FMN1: variants seen among roughly 807,000 people sequenced by gnomAD.
The protein encoded by FMN1 is formin-1.
In FMN1, 110 loss-of-function variants were observed where a neutral mutation model predicts 132.4. That is an observed-to-expected ratio of 0.83 (90% CI 0.71 to 0.97). The LOEUF is 0.97. Among genes scored for constraint, FMN1 ranks in the 50% least tolerant of loss-of-function variants. The pLI is 0.00. For missense variants in FMN1, 1,792 were observed against 1,705.3 expected, an observed-to-expected ratio of 1.05 and a Z score of -0.90; for synonymous variants, 722 against 651.7, an observed-to-expected ratio of 1.11 and a Z score of -1.64.
intron 12 of FMN1, among the ~76,000 whole-genome samples, chr15:32,907,226 A>C (rs1440263788): frequency 6.6e-6 from 1 of 152,128 alleles, no homozygotes; most frequent in Non-Finnish European, 1.5e-5. Flanking sequence ...ACAATGATAT[A>C]ATTATACAAC....
At chr15:32,998,069 T>TACAAGGACCATAAGATGACCACACA (rs2033882621) in intron 7 of FMN1, among the ~76,000 whole-genome samples, 1 of 152,036 alleles carries the variant, frequency 6.6e-6, no homozygotes, top group Non-Finnish European at 1.5e-5. Flanking sequence ...TATAAGATGA[T>TACAAGGACCATAAGATGACCACACA]AGTAAGTGTG....
intron 6 of FMN1, among the ~76,000 whole-genome samples, chr15:33,031,995 A>T (rs905139615): frequency 6.6e-6 from 1 of 152,230 alleles, no homozygotes; most frequent in Non-Finnish European, 1.5e-5. Flanking sequence ...TGTAATCATG[A>T]AGTGTTACAA....
At chr15:32,787,678 T>C (rs945284586) in intron 19 of FMN1, among the ~76,000 whole-genome samples, 1 of 152,052 alleles carries the variant, frequency 6.6e-6, no homozygotes, top group East Asian at 1.9e-4. Context: ...CAAGACCCTC[T>C]CAACTAAAAA....
In FMN1 at chr15:32,766,941, G is replaced by A. The variant is rs913135611; in HGVS notation, c.*7369C>T. 1.3e-5 allele frequency: 2 copies of A among 152,196 alleles called. No individual in the cohort carries two copies. Among genetic ancestry groups the A allele is most frequent in the Non-Finnish European group, 2.9e-5 (2 of 68,048 alleles). 9.4% of individuals were successfully genotyped at this position (152,196 alleles called of 1,614,324 possible). On this transcript the variant is annotated 3_prime_UTR_variant, in exon 21 of 21. Transcript: ENST00000616417. ...CTTTTGAACAGGCATGGAGTAAACA[G>A]GGTCTATGGTCAAGCAGCCCCATGG...
intron 20 of FMN1, among the ~76,000 whole-genome samples, chr15:32,775,401 T>G (rs559483643): frequency 3.3e-5 from 5 of 151,848 alleles, no homozygotes; most frequent in African/African-American, 1.2e-4. Context: ...GTAAACCCAC[T>G]GTTTCCCTTT....
At chr15:33,067,863 G>A in intron 5 of FMN1, 4 of 1,611,768 alleles carry the variant, frequency 2.5e-6, no homozygotes, top group Non-Finnish European at 3.4e-6. Flanking sequence ...CTGCCATCCA[G>A]AGAATTATCA....
At chr15:33,116,866 G>A (rs1262871871) in intron 4 of FMN1, among the ~76,000 whole-genome samples, 1 of 152,108 alleles carries the variant, frequency 6.6e-6, no homozygotes, top group Non-Finnish European at 1.5e-5. Flanking sequence ...AAATAACAGA[G>A]ATCTTTCGAA....
At chr15:33,112,729 A>T (rs2039758509) in intron 4 of FMN1, among the ~76,000 whole-genome samples, 1 of 152,146 alleles carries the variant, frequency 6.6e-6, no homozygotes, top group Non-Finnish European at 1.5e-5. Flanking sequence ...CTGCCCAATC[A>T]ACAGAATTTT....
intron 16 of FMN1, among the ~76,000 whole-genome samples, chr15:32,879,473 T>C (rs966877655): frequency 6.6e-6 from 1 of 152,232 alleles, no homozygotes. Context: ...TAGCCAGACC[T>C]GTCCTAATGA....
chr15:33,013,171 GCA>G, intron 6 of FMN1: 1 of 360,282 alleles, frequency 2.8e-6, no homozygotes, highest in South Asian at 2.4e-5. Flanking sequence ...CACAGTGGTG[GCA>G]CAGGGCCTAG....
intron 8 of FMN1, among the ~76,000 whole-genome samples, chr15:32,967,586 A>G (rs187304569): frequency 1.3e-5 from 2 of 152,334 alleles, no homozygotes; most frequent in East Asian, 1.9e-4. Flanking sequence ...TTTTTTATGA[A>G]CCATTCATTT....
chr15:32,863,505 C>T (rs1474734162), intron 16 of FMN1, among the ~76,000 whole-genome samples: 2 of 152,168 alleles, frequency 1.3e-5, no homozygotes, highest in Non-Finnish European at 2.9e-5. Flanking sequence ...GCACCTACTA[C>T]GTGCCATAAA....
At chr15:33,078,081 A>G (rs1248965578) in intron 5 of FMN1, among the ~76,000 whole-genome samples, 2 of 152,230 alleles carry the variant, frequency 1.3e-5, no homozygotes, top group Non-Finnish European at 2.9e-5. Context: ...GTCTTTGAAA[A>G]GGGACATATT....
At chr15:33,067,465 G>A in intron 5 of FMN1, 1 of 1,613,928 alleles carries the variant, frequency 6.2e-7, no homozygotes. Context: ...TGTGCACCAG[G>A]GTCCCACGAA....
intron 5 of FMN1, among the ~76,000 whole-genome samples, chr15:33,077,523 C>A (rs531914067): frequency 6.6e-6 from 1 of 151,820 alleles, no homozygotes; most frequent in Non-Finnish European, 1.5e-5. Flanking sequence ...CTTCCCCTGA[C>A]TCCACAACAG....
intron 8 of FMN1, among the ~76,000 whole-genome samples, chr15:32,967,643 G>C (rs1189389890): frequency 1.3e-5 from 2 of 152,174 alleles, no homozygotes; most frequent in Non-Finnish European, 2.9e-5. Flanking sequence ...GAAGTATCAG[G>C]ATGTTCCAAA....
intron 9 of FMN1, among the ~76,000 whole-genome samples, chr15:32,955,204 A>C (rs1027658106): frequency 2.6e-5 from 4 of 152,196 alleles, no homozygotes; most frequent in Admixed American, 2.6e-4. Flanking sequence ...TGGCACTACT[A>C]GTGATATCTT....
chr15:33,170,501 A>C (rs142384832), intron 3 of FMN1, among the ~76,000 whole-genome samples: 2 of 152,080 alleles, frequency 1.3e-5, no homozygotes. Context: ...TAAACTTTTC[A>C]TCTGACAAGA....
At chr15:32,848,933 T>C (rs759279609) in intron 17 of FMN1, among the ~76,000 whole-genome samples, 39 of 150,620 alleles carry the variant, frequency 2.6e-4, no homozygotes, top group Non-Finnish European at 4.6e-4. Context: ...ATGGGTGTTA[T>C]GGTGAGGACC....
Sources: allele counts gnomAD v4.1 joint callset (sites outside exome capture counted in the v4.1 genomes callset), GRCh38; gene constraint gnomAD v4.1.1; transcripts MANE v1.5; gene names NCBI Gene and HGNC (gene_info 2026-07-23, HGNC 2026-07-21).